DSG4: variants seen among roughly 807,000 people sequenced by gnomAD.
DSG4 encodes desmoglein 4, also known as desmoglein-4.
DSG4 carries 87 observed loss-of-function variants against 93.1 expected under a neutral mutation model. The observed-to-expected ratio is 0.93, with a 90% CI of 0.79 to 1.12. The LOEUF (loss-of-function observed/expected upper bound fraction) is 1.12, where lower values mean the gene tolerates loss of function less well. Ranked by LOEUF, DSG4 falls within the 50% of genes most tolerant of loss-of-function variation. The probability of loss-of-function intolerance (pLI) is 0.00; values close to 1 mark genes in which losing one functional copy is unlikely to be tolerated. For synonymous variants in DSG4, 432 were observed against 452.9 expected (o/e 0.95, Z 0.59); for missense variants, 1,373 against 1,285.7 (o/e 1.07, Z -1.04).
chr18:31,380,115 A>G (rs770046277), intron 1 of DSG4, among the ~76,000 whole-genome samples: 1 of 152,174 alleles, frequency 6.6e-6, no homozygotes, highest in Non-Finnish European at 1.5e-5. Flanking sequence ...TCATATAAAA[A>G]AAGCTTTATA....
intron 3 of DSG4, 123 bp from the exon 4 acceptor site, chr18:31,388,244 C>A: frequency 9.1e-7 from 1 of 1,096,166 alleles, no homozygotes; most frequent in Non-Finnish European, 1.3e-6. Flanking sequence ...AGGACTAAGT[C>A]ATGGTGTCAG....
intron 1 of DSG4, among the ~76,000 whole-genome samples, chr18:31,384,828 T>A (rs1220505703): frequency 1.3e-5 from 2 of 152,126 alleles, no homozygotes; most frequent in African/African-American, 4.8e-5. Flanking sequence ...CCCTTTCAAA[T>A]CCCTACTCTC....
chr18:31,392,444 T>C, intron 8 of DSG4, 104 bp downstream of exon 8: 1 of 1,214,528 alleles, frequency 8.2e-7, no homozygotes, highest in Non-Finnish European at 1.2e-6. Context: ...AAGTACTTCA[T>C]AACTTTGAAT....
rs200939281 is a variant in DSG4, at chr18:31,411,317, G to A, written c.2224G>A (p.Val742Ile). 3 of 1,614,204 alleles carry A rather than the reference G, an allele frequency of 1.9e-6. No homozygotes were observed. Among genetic ancestry groups the A allele is most frequent in the Admixed American group, 3.3e-5 (2 of 60,022 alleles). ...GCTCAACACAGGTATGGGGACAGCC[G>A]TTGGCCTCATGGCCGCAGGGGCCGC... ...VELNTGMGTA[V>I]GLMAAGAAGA... The change falls in exon 15 of 16, where the codon GTT becomes ATT. Residue 742 changes from valine to isoleucine, a missense_variant. Physicochemically the swap from Val to Ile is conservative, Grantham distance 29 (BLOSUM62 3). Coordinates refer to ENST00000308128, the MANE Select transcript of DSG4 (RefSeq NM_177986.5).
rs200596561 is a variant in DSG4, at chr18:31,399,435, T to C, written c.1169T>C (p.Met390Thr). The C allele has an allele frequency of 6.2e-7, 1 of 1,614,124 alleles. No individual in the cohort carries two copies. The highest frequency in any genetic ancestry group is 8.5e-7 in the Non-Finnish European group (1 of 1,179,962). Reference protein sequence around the residue: ...REGPAFHPSTMAFSVREGIKG... With the variant: ...REGPAFHPSTTAFSVREGIKG... ...GGACCTGCATTTCATCCAAGTACTA[T>C]GGCTTTTAGTGTGCGGGAAGGAATA... The change falls in exon 9 of 16, where the codon ATG becomes ACG. Residue 390 changes from methionine to threonine, a missense_variant. Met to Thr is a moderately conservative substitution (Grantham distance 81, BLOSUM62 -1). Transcript: ENST00000308128.
chr18:31,413,182 G>T lies in DSG4; in HGVS notation c.2710G>T (p.Asp904Tyr). The change falls in exon 16 of 16, where the codon GAT becomes TAT. Residue 904 changes from aspartate to tyrosine, a missense_variant. Transcript: ENST00000308128. ...AGCATCTGAACCCGTGGTCCATGGG[G>T]ATATTATTGTGACTGAGACTTACGG... ...MAASEPVVHG[D>Y]IIVTETYGNA... The T allele has an allele frequency of 6.2e-7, 1 of 1,614,094 alleles. No homozygotes were observed. Among genetic ancestry groups the T allele is most frequent in the Non-Finnish European group, 8.5e-7 (1 of 1,180,016 alleles).
chr18:31,410,730 G>T (rs1034868643), intron 14 of DSG4, among the ~76,000 whole-genome samples: 2 of 152,168 alleles, frequency 1.3e-5, no homozygotes, highest in Non-Finnish European at 2.9e-5. Flanking sequence ...TGCAGTGCAC[G>T]TGAGCTTTCT....
At chr18:31,396,634 G>T (rs545612118) in intron 8 of DSG4, among the ~76,000 whole-genome samples, 1 of 152,202 alleles carries the variant, frequency 6.6e-6, no homozygotes, top group South Asian at 2.1e-4. Flanking sequence ...GGGATTACAT[G>T]TGTGAGCCAC....
chr18:31,399,253 T>G lies in DSG4; in HGVS notation c.1006-19T>G. 1.2e-6 allele frequency: 2 copies of G among 1,613,674 alleles called. No homozygotes were observed. The highest frequency in any genetic ancestry group is 1.7e-6 in the Non-Finnish European group (2 of 1,179,862). The stretch of plus-strand genomic sequence containing the variant: ...GAGTTCTTTGCTGTTTCAGAGTTTT[T>G]TATTTTCTTTCATTTCAGATGCTGG... On this transcript the variant is annotated intron_variant, in intron 8 of 15. Transcript: ENST00000308128.
chr18:31,378,794 A>T (rs2072104219), intron 1 of DSG4, among the ~76,000 whole-genome samples: 1 of 152,218 alleles, frequency 6.6e-6, no homozygotes, highest in Admixed American at 6.5e-5. Flanking sequence ...AAATTGAAAC[A>T]AATACAAGAA....
chr18:31,406,565 G>A (rs1413259772), intron 12 of DSG4, among the ~76,000 whole-genome samples, 192 bp downstream of exon 12: 2 of 152,176 alleles, frequency 1.3e-5, no homozygotes, highest in East Asian at 1.9e-4. Flanking sequence ...GAAAGCCTAG[G>A]GTGAGTGACA....
intron 8 of DSG4, among the ~76,000 whole-genome samples, chr18:31,395,224 A>G (rs2072293382): frequency 6.6e-6 from 1 of 152,052 alleles, no homozygotes; most frequent in South Asian, 2.1e-4. Context: ...TGACTTATGT[A>G]ATGTGCCTTC....
intron 11 of DSG4, among the ~76,000 whole-genome samples, chr18:31,405,838 C>T (rs1263871543): frequency 6.6e-6 from 1 of 151,852 alleles, no homozygotes; most frequent in African/African-American, 2.4e-5. Flanking sequence ...GAGTCATGTT[C>T]GTGCCACTGC....
rs763082160 is a variant in DSG4, at chr18:31,392,186, G to A, written c.851G>A (p.Ser284Asn). The change falls in exon 8 of 16, where the codon AGT (serine) becomes AAT (asparagine). Residue 284 changes from serine to asparagine, a missense_variant. Transcript: ENST00000308128. The stretch of plus-strand genomic sequence containing the variant: ...GCCAGTATTGAAGAGAATTGTTTAA[G>A]TTCGGAACTGATACGATTACAAGCA... ...YSASIEENCL[S>N]SELIRLQAID... The A allele has an allele frequency of 2.2e-5, 35 of 1,613,534 alleles. No homozygotes were observed. Among genetic ancestry groups the A allele is most frequent in the Non-Finnish European group, 2.8e-5 (33 of 1,179,790 alleles).
intron 7 of DSG4, 96 bp from the exon 8 acceptor site, chr18:31,392,059 A>T: frequency 8.5e-7 from 1 of 1,173,124 alleles, no homozygotes; most frequent in South Asian, 1.3e-5. Context: ...TCATCGACAT[A>T]GTTTGTTGTT....
intron 7 of DSG4, 69 bp from the exon 8 acceptor site, chr18:31,392,086 A>C (rs1446075020): frequency 1.6e-5 from 23 of 1,435,070 alleles, no homozygotes; most frequent in African/African-American, 2.8e-5. Flanking sequence ...TTAAATAATA[A>C]TAATGTGTTT....
rs948423456 is a variant in DSG4 at position 31,414,232 on chromosome 18, A to T, written c.*637A>T. Reference sequence around the variant, plus strand: ...AATGGTTCATCAAAGAAAAATATATATTTTTATTGAACTTTATTGATTTAT... The same window carrying T: ...AATGGTTCATCAAAGAAAAATATATTTTTTTATTGAACTTTATTGATTTAT... On this transcript the variant is annotated 3_prime_UTR_variant, in exon 16 of 16. Coordinates refer to ENST00000308128, the MANE Select transcript of DSG4 (RefSeq NM_177986.5). 1 of 152,152 alleles carries T rather than the reference A, an allele frequency of 6.6e-6. No homozygotes were observed. Among genetic ancestry groups the T allele is most frequent in the Non-Finnish European group, 1.5e-5 (1 of 68,034 alleles). The allele number at this position is 152,152 out of a possible 1,614,324, so 9.4% of individuals were successfully genotyped here. A position where few individuals can be genotyped will look rare whatever the true frequency, so the allele number is the denominator to read the frequency against.
At chr18:31,386,587 A>G (rs991272318) in intron 2 of DSG4, 101 bp from the exon 3 acceptor site, 12 of 1,532,756 alleles carry the variant, frequency 7.8e-6, no homozygotes, top group Non-Finnish European at 9.9e-6. Flanking sequence ...CAAATTCAAT[A>G]TCACTGTTTC....
chr18:31,394,113 C>T (rs148709197), intron 8 of DSG4, among the ~76,000 whole-genome samples: 14 of 152,240 alleles, frequency 9.2e-5, no homozygotes, highest in African/African-American at 2.2e-4. Context: ...CATTCATTTA[C>T]GTATTTTCTG....
Sources: allele counts gnomAD v4.1 joint callset (sites outside exome capture counted in the v4.1 genomes callset), GRCh38; gene constraint gnomAD v4.1.1; transcripts MANE v1.5; gene names NCBI Gene and HGNC (gene_info 2026-07-23, HGNC 2026-07-21).